Variants in PCDHGA6 observed in about 807,000 individuals in gnomAD.
PCDHGA6 encodes protocadherin gamma subfamily A, 6.
Under a neutral mutation model 60.6 loss-of-function variants are expected in PCDHGA6, and 41 were observed. That is an observed-to-expected ratio of 0.68 (90% CI 0.53 to 0.88). The LOEUF (loss-of-function observed/expected upper bound fraction) is 0.88, where lower values mean the gene tolerates loss of function less well. PCDHGA6 is among the 40% of genes least tolerant of loss of function. The pLI is 0.00. For synonymous variants in PCDHGA6, 594 were observed against 524.4 expected (o/e 1.13, Z -1.81); for missense variants, 1,312 against 1,203.0 (o/e 1.09, Z -1.34).
chr5:141,491,861 C>A lies in PCDHGA6; in HGVS notation c.2425-2946C>A. ...GGATCATTGGACCGTTTGCGCGAAA[C>A]CAGAGTGGCCGATTAAGGGATGGGG... On this transcript the variant is annotated intron_variant, in intron 1 of 3. Transcript: ENST00000517434. The surrounding 1 kb of genome is among the most constrained non-coding windows in gnomAD (Gnocchi z 6.9). 6.9e-7 allele frequency: 1 copy of A among 1,455,272 alleles called. No homozygotes were observed. The highest frequency in any genetic ancestry group is 9.1e-7 in the Non-Finnish European group (1 of 1,100,930). The allele number at this position is 1,455,272 out of a possible 1,614,324, so 90.1% of individuals were successfully genotyped here.
Position 141,427,512 on chromosome 5 carries a change from T to A in PCDHGA6, c.2424+51005T>A, listed in dbSNP as rs1483922394. ...GCTTGTAACAGATGGGACCCTGGATTGGGAGCGGATCCCGGAGTACAACGT... is the reference window on the plus strand; with the variant it reads ...GCTTGTAACAGATGGGACCCTGGATAGGGAGCGGATCCCGGAGTACAACGT... On this transcript the variant is annotated intron_variant, in intron 1 of 3. Transcript: ENST00000517434. 1.2e-5 allele frequency: 7 copies of A among 592,748 alleles called. No homozygotes were observed. The Admixed American group carries it at 1.3e-4, about 11-fold the overall frequency. 36.7% of individuals were successfully genotyped at this position (592,748 alleles called of 1,614,324 possible). A position where few individuals can be genotyped will look rare whatever the true frequency, so the allele number is the denominator to read the frequency against.
intron 1 of PCDHGA6, chr5:141,399,983 C>T (rs767278001): frequency 7.4e-6 from 12 of 1,612,374 alleles, no homozygotes; most frequent in Non-Finnish European, 1.0e-5. Context: ...GGGCTGCGCA[C>T]AGGAGAGGTG....
At chr5:141,419,807 G>A in intron 1 of PCDHGA6, 2 of 1,614,074 alleles carry the variant, frequency 1.2e-6, no homozygotes, top group South Asian at 1.1e-5. Flanking sequence ...AAGAGATGGA[G>A]GACAGCCACC....
intron 1 of PCDHGA6, among the ~76,000 whole-genome samples, chr5:141,463,380 A>G (rs994170903): frequency 2.0e-5 from 3 of 149,876 alleles, no homozygotes; most frequent in Admixed American, 6.7e-5. Context: ...ACAGTCTGAA[A>G]GTTGTCTCCA....
intron 1 of PCDHGA6, chr5:141,410,091 G>A: frequency 8.7e-6 from 14 of 1,612,518 alleles, no homozygotes; most frequent in African/African-American, 1.3e-5. Flanking sequence ...CGCACGGCTC[G>A]AGCCTTAGGC....
chr5:141,418,080 A>T (rs1590086455), intron 1 of PCDHGA6: 1 of 1,614,046 alleles, frequency 6.2e-7, no homozygotes, highest in East Asian at 2.2e-5. Flanking sequence ...GAGAAGCTGC[A>T]CTTCAGCGTA....
chr5:141,501,701 G>A (rs747266621), intron 2 of PCDHGA6, among the ~76,000 whole-genome samples: 3 of 151,984 alleles, frequency 2.0e-5, no homozygotes, highest in East Asian at 1.9e-4. Flanking sequence ...GGGTGATTCC[G>A]AGGATAAAAA....
At chr5:141,422,209 C>G (rs1463323983) in intron 1 of PCDHGA6, 1 of 1,561,666 alleles carries the variant, frequency 6.4e-7, no homozygotes, top group East Asian at 2.2e-5. Context: ...TGGTGGAGGT[C>G]TCTTTACCAC....
intron 1 of PCDHGA6, among the ~76,000 whole-genome samples, chr5:141,471,120 C>T (rs560582806): frequency 6.7e-6 from 1 of 149,470 alleles, no homozygotes; most frequent in South Asian, 2.1e-4. Context: ...GCGATCTTAC[C>T]TTCACTGCAA....
Position 141,490,732 on chromosome 5 carries a change from G to A in PCDHGA6, c.2425-4075G>A, listed in dbSNP as rs775388969. 6.2e-6 allele frequency: 10 copies of A among 1,614,188 alleles called. No homozygotes were observed. The highest frequency in any genetic ancestry group is 8.5e-6 in the Non-Finnish European group (10 of 1,180,042). ...CACCTACTCCATTGTAGGAAATCAG[G>A]TTCAGGGAGCCCCAGCCTCCTCCTT... On this transcript the variant is annotated intron_variant, in intron 1 of 3. Transcript: ENST00000517434. This position sits in a 1 kb window ranked among gnomAD's most constrained non-coding sequence, Gnocchi z 5.4.
At position 141,413,851 on chromosome 5, in the gene PCDHGA6, C is replaced by T. The variant is rs766108205; in HGVS notation, c.2424+37344C>T. The T allele has an allele frequency of 1.5e-5, 25 of 1,613,340 alleles. No homozygotes were observed. In the East Asian group the frequency reaches 2.7e-4, roughly 17 times the overall value. ...CGCCTCCGACGGGGGTGACCCTCTC[C>T]GATCTGGCACTGTCCTTGTCAGTGT... On this transcript the variant is annotated intron_variant, in intron 1 of 3. Coordinates refer to ENST00000517434, the MANE Select transcript of PCDHGA6 (RefSeq NM_018919.3).
Position 141,511,035 on chromosome 5 carries a change from C to A in PCDHGA6, c.2661C>A (p.His887Gln). Residue 887 changes from histidine to glutamine, a missense_variant, in exon 4 of 4, where the codon CAC becomes CAA. Physicochemically the swap from His to Gln is conservative, Grantham distance 24 (BLOSUM62 0). Transcript: ENST00000517434. The stretch of plus-strand genomic sequence containing the variant: ...ACGGACCCCAGTTCACCCTGCAGCA[C>A]GTGCCCGACTACCGCCAGAATGTCT... ...ARYGPQFTLQ[H>Q]VPDYRQNVYI... 2 of 1,614,208 alleles carry A rather than the reference C, an allele frequency of 1.2e-6. No individual in the cohort carries two copies. The highest frequency in any genetic ancestry group is 1.1e-5 in the South Asian group (1 of 91,088).
chr5:141,481,689 C>T (rs1198127143), intron 1 of PCDHGA6, among the ~76,000 whole-genome samples: 1 of 152,102 alleles, frequency 6.6e-6, no homozygotes, highest in Non-Finnish European at 1.5e-5. Context: ...CCTGGTGGCT[C>T]ACGCCTGTAA....
rs372676262 is a variant in PCDHGA6 at position 141,404,832 on chromosome 5, G to A, written c.2424+28325G>A. On this transcript the variant is annotated intron_variant, in intron 1 of 3. Coordinates refer to ENST00000517434, the MANE Select transcript of PCDHGA6 (RefSeq NM_018919.3). ...GTGGGGCTGCACACAGGTGAAGTGCGCACAGCTCGGGCCCTGCTAGATAGA... is the reference window on the plus strand; with the variant it reads ...GTGGGGCTGCACACAGGTGAAGTGCACACAGCTCGGGCCCTGCTAGATAGA... 34 of 1,613,864 alleles carry A rather than the reference G, an allele frequency of 2.1e-5. No individual in the cohort carries two copies. Among genetic ancestry groups the A allele is most frequent in the Middle Eastern group, 1.6e-4 (1 of 6,062 alleles).
At position 141,489,072 on chromosome 5, in the gene PCDHGA6, A is replaced by AC; in HGVS notation, c.2425-5730dup. The AC allele has an allele frequency of 1.3e-5, 2 of 157,710 alleles. No homozygotes were observed. Among genetic ancestry groups the AC allele is most frequent in the Non-Finnish European group, 1.2e-5 (1 of 83,996 alleles). 9.8% of individuals were successfully genotyped at this position (157,710 alleles called of 1,614,324 possible). A position where few individuals can be genotyped will look rare whatever the true frequency, so the allele number is the denominator to read the frequency against. On this transcript the variant is annotated intron_variant, in intron 1 of 3. Transcript: ENST00000517434. This position sits in a 1 kb window ranked among gnomAD's most constrained non-coding sequence, Gnocchi z 4.5. The stretch of plus-strand genomic sequence containing the variant: ...AATTCAGCTCCCCTCCCCCCTGCCC[A>AC]CCCCCGCCACTCGGTGACTAAGAAC...
chr5:141,388,864 C>T (rs748559328), intron 1 of PCDHGA6: 15 of 1,613,736 alleles, frequency 9.3e-6, no homozygotes, highest in Middle Eastern at 1.6e-4. Flanking sequence ...GGAATGATTG[C>T]GCAATGCACA....
At chr5:141,480,873 C>T (rs1026513782) in intron 1 of PCDHGA6, among the ~76,000 whole-genome samples, 5 of 152,050 alleles carry the variant, frequency 3.3e-5, no homozygotes, top group Non-Finnish European at 7.4e-5. Context: ...GGTGAAACCC[C>T]GTCTCTACTA....
intron 1 of PCDHGA6, chr5:141,422,771 T>C (rs2096671394): frequency 6.2e-7 from 1 of 1,613,954 alleles, no homozygotes; most frequent in Non-Finnish European, 8.5e-7. Flanking sequence ...ACTGGTGTTC[T>C]CTATGCCCTA....
At chr5:141,427,869 A>G in intron 1 of PCDHGA6, 3 of 1,559,604 alleles carry the variant, frequency 1.9e-6, no homozygotes, top group Non-Finnish European at 2.6e-6. Flanking sequence ...CTTCGAGCTC[A>G]CGATGCAGGC....
Sources: gnomAD v4.1 joint callset for allele counts (sites outside exome capture counted in the v4.1 genomes callset) on GRCh38, gnomAD v4.1.1 for gene constraint, Gnocchi (gnomAD v3.1) non-coding constraint, MANE v1.5 for transcripts, NCBI Gene and HGNC (gene_info 2026-07-23, HGNC 2026-07-21) for gene names.